PPP1R14C: variants seen among roughly 807,000 people sequenced by gnomAD.
PPP1R14C encodes protein phosphatase 1 regulatory inhibitor subunit 14C.
A neutral mutation model predicts 20.4 loss-of-function variants in PPP1R14C; 16 were observed. The ratio of observed to expected loss-of-function variants is 0.78; its 90% CI spans 0.53 to 1.19. The LOEUF is 1.19. Ranked by LOEUF, PPP1R14C falls within the 50% of genes most tolerant of loss-of-function variation. The probability of loss-of-function intolerance (pLI) is 0.00; values close to 1 mark genes in which losing one functional copy is unlikely to be tolerated. For missense variants in PPP1R14C, 211 were observed against 220.1 expected (o/e 0.96, Z 0.26); for synonymous variants, 91 against 91.0 (o/e 1.00, Z 0.00).
At position 150,191,156 on chromosome 6, in the gene PPP1R14C, C is replaced by T. The variant is rs561805442; in HGVS notation, c.307-23588C>T. Among the ~76,000 whole-genome samples, 34 of 152,306 alleles carry T rather than the reference C, an allele frequency of 2.2e-4. 1 individual carries two copies. Among genetic ancestry groups the T allele is most frequent in the African/African-American group, 8.2e-4 (34 of 41,568 alleles). On this transcript the variant is annotated intron_variant, in intron 1 of 3. Coordinates refer to ENST00000361131, the MANE Select transcript of PPP1R14C (RefSeq NM_030949.3). ...TTCTTCTACATGGTTCCCTCCCTCA[C>T]CTTCAGGACCTTATCATACGTCAGG...
At chr6:150,216,790 T>C (rs780249588) in intron 2 of PPP1R14C, 34 bp from the exon 3 acceptor site, 1 of 1,480,862 alleles carries the variant, frequency 6.8e-7, no homozygotes, top group South Asian at 1.2e-5. Flanking sequence ...AATTTTAAAA[T>C]AATAAAACTG....
At chr6:150,187,098 C>A (rs553745743) in intron 1 of PPP1R14C, among the ~76,000 whole-genome samples, 13 of 152,046 alleles carry the variant, frequency 8.6e-5, no homozygotes, top group South Asian at 6.2e-4. Context: ...GCGTCAGCCT[C>A]CTGGGTAGCT....
chr6:150,188,482 C>CTTT (rs753993224), intron 1 of PPP1R14C, among the ~76,000 whole-genome samples: 4,074 of 104,806 alleles, frequency 0.039, 379 homozygotes, highest in African/African-American at 0.14. Flanking sequence ...CAGGAATTAC[C>CTTT]TTTTTTTTTT....
chr6:150,159,221 T>A (rs1331353966), intron 1 of PPP1R14C, among the ~76,000 whole-genome samples: 1 of 152,202 alleles, frequency 6.6e-6, no homozygotes, highest in African/African-American at 2.4e-5. Flanking sequence ...TCTGTGCAGT[T>A]TAGGATATGT....
chr6:150,196,678 C>T (rs1351370974), intron 1 of PPP1R14C, among the ~76,000 whole-genome samples: 1 of 152,168 alleles, frequency 6.6e-6, no homozygotes, highest in East Asian at 1.9e-4. Flanking sequence ...GTTTCAATCA[C>T]TTCATTTGTT....
chr6:150,157,857 TC>T (rs564641160), intron 1 of PPP1R14C, among the ~76,000 whole-genome samples: 6 of 152,174 alleles, frequency 3.9e-5, no homozygotes, highest in Non-Finnish European at 8.8e-5. Context: ...CCCAAGCTCT[TC>T]CCATTAAGTT....
intron 1 of PPP1R14C, among the ~76,000 whole-genome samples, chr6:150,151,249 GA>G (rs1187903862): frequency 2.0e-5 from 3 of 152,160 alleles, no homozygotes; most frequent in African/African-American, 7.2e-5. Flanking sequence ...CAACTGGTCT[GA>G]AAATGAGTTT....
intron 1 of PPP1R14C, among the ~76,000 whole-genome samples, chr6:150,150,069 T>A (rs989824778): frequency 2.6e-5 from 4 of 152,224 alleles, no homozygotes; most frequent in Non-Finnish European, 4.4e-5. Flanking sequence ...CTTGAATGAA[T>A]GAAAAAGGAT....
At chr6:150,183,747 G>A (rs1252529715) in intron 1 of PPP1R14C, among the ~76,000 whole-genome samples, 19 of 151,992 alleles carry the variant, frequency 1.3e-4, no homozygotes, top group Non-Finnish European at 2.9e-5. Flanking sequence ...TCCTGACCTC[G>A]TGATCCACCC....
intron 3 of PPP1R14C, among the ~76,000 whole-genome samples, chr6:150,240,411 C>G (rs1428552003): frequency 6.6e-6 from 1 of 152,188 alleles, no homozygotes; most frequent in African/African-American, 2.4e-5. Flanking sequence ...AAGGTACGCC[C>G]CACAGACTGG....
chr6:150,174,482 C>T (rs1777538266), intron 1 of PPP1R14C, among the ~76,000 whole-genome samples: 1 of 151,780 alleles, frequency 6.6e-6, no homozygotes, highest in African/African-American at 2.4e-5. Context: ...TCCCAAAGTG[C>T]TGGGATTACA....
chr6:150,143,573 T>C lies in PPP1R14C; in HGVS notation c.306+75T>C. 2 of 1,109,622 alleles carry C rather than the reference T, an allele frequency of 1.8e-6. No homozygotes were observed. The highest frequency in any genetic ancestry group is 2.6e-6 in the Non-Finnish European group (2 of 783,340). The allele number at this position is 1,109,622 out of a possible 1,614,324, so 68.7% of individuals were successfully genotyped here. Reference sequence around the variant, plus strand: ...TGCCCGCGCAGTAATTTTCCCGGGCTCCAGCTCCGGGGCGCGCATGTCCCT... The same window carrying C: ...TGCCCGCGCAGTAATTTTCCCGGGCCCCAGCTCCGGGGCGCGCATGTCCCT... On this transcript the variant is annotated intron_variant, in intron 1 of 3. Coordinates refer to ENST00000361131, the MANE Select transcript of PPP1R14C (RefSeq NM_030949.3). The surrounding 1 kb of genome is among the most constrained non-coding windows in gnomAD (Gnocchi z 5.6).
intron 1 of PPP1R14C, among the ~76,000 whole-genome samples, chr6:150,213,075 A>ACAT (rs199909128): frequency 0.045 from 6,790 of 152,318 alleles, 175 homozygotes; most frequent in Non-Finnish European, 0.056. Flanking sequence ...GAGGAGTACA[A>ACAT]AATCTTTCTT....
intron 1 of PPP1R14C, among the ~76,000 whole-genome samples, chr6:150,169,756 C>T (rs1582901501): frequency 6.6e-6 from 1 of 152,212 alleles, no homozygotes; most frequent in South Asian, 2.1e-4. Context: ...TCCCCCACAT[C>T]TTAGTGGCTT....
chr6:150,167,450 T>A (rs140659302), intron 1 of PPP1R14C, among the ~76,000 whole-genome samples: 1 of 152,212 alleles, frequency 6.6e-6, no homozygotes, highest in East Asian at 1.9e-4. Flanking sequence ...TGGGGTATGT[T>A]CTTGATTTAT....
intron 3 of PPP1R14C, among the ~76,000 whole-genome samples, chr6:150,247,728 T>A (rs1363006622): frequency 6.6e-6 from 1 of 152,230 alleles, no homozygotes; most frequent in Admixed American, 6.5e-5. Flanking sequence ...CTTAGTGTGA[T>A]CTACACCAGT....
chr6:150,205,618 C>T (rs972115561), intron 1 of PPP1R14C, among the ~76,000 whole-genome samples: 1 of 151,810 alleles, frequency 6.6e-6, no homozygotes, highest in East Asian at 1.9e-4. Flanking sequence ...CATGGTGATA[C>T]CCCGTCTCTA....
chr6:150,176,303 C>G (rs936143358), intron 1 of PPP1R14C, among the ~76,000 whole-genome samples: 5 of 152,196 alleles, frequency 3.3e-5, no homozygotes, highest in Non-Finnish European at 5.9e-5. Context: ...AGTTACCAAG[C>G]TGGGAATTGC....
In PPP1R14C at chr6:150,201,819, C is replaced by T. The variant is rs111249419; in HGVS notation, c.307-12925C>T. 3.3e-5 allele frequency among the ~76,000 whole-genome samples: 5 copies of T among 152,100 alleles called. No individual in the cohort carries two copies. The East Asian group carries it at 5.8e-4, about 18-fold the overall frequency. On this transcript the variant is annotated intron_variant, in intron 1 of 3. Transcript: ENST00000361131. This position sits in a 1 kb window ranked among gnomAD's most constrained non-coding sequence, Gnocchi z 4.2. The stretch of plus-strand genomic sequence containing the variant: ...TGGTACAAAGTGCAGGTTCAGGAGA[C>T]GGTAAGCCATAGAATTGACAGTTAT...
Sources: gnomAD v4.1 joint callset for allele counts (sites outside exome capture counted in the v4.1 genomes callset) on GRCh38, gnomAD v4.1.1 for gene constraint, Gnocchi (gnomAD v3.1) non-coding constraint, MANE v1.5 for transcripts, NCBI Gene and HGNC (gene_info 2026-07-23, HGNC 2026-07-21) for gene names.